Variants in PHKB observed in about 807,000 individuals in gnomAD.
The protein encoded by PHKB is phosphorylase kinase regulatory subunit beta.
Under a neutral mutation model 152.1 loss-of-function variants are expected in PHKB, and 122 were observed. That is an observed-to-expected ratio of 0.80 (90% CI 0.69 to 0.93). The LOEUF is 0.93. Among genes scored for constraint, PHKB ranks in the 40% least tolerant of loss-of-function variants. The pLI is 0.00. For synonymous variants in PHKB, 436 were observed against 464.9 expected (o/e 0.94, Z 0.80); for missense variants, 1,304 against 1,328.4 (o/e 0.98, Z 0.29).
At chr16:47,615,865 T>TA (rs1972505559) in intron 14 of PHKB, among the ~76,000 whole-genome samples, 1 of 152,230 alleles carries the variant, frequency 6.6e-6, no homozygotes. Flanking sequence ...CAATAATGGC[T>TA]ATCATTTATT....
chr16:47,512,040 G>A (rs1421579436), intron 5 of PHKB, among the ~76,000 whole-genome samples: 1 of 152,176 alleles, frequency 6.6e-6, no homozygotes, highest in East Asian at 1.9e-4. Flanking sequence ...GCTGATCTGA[G>A]AGGAGGCAGA....
At chr16:47,478,184 A>G (rs1468209115) in intron 1 of PHKB, among the ~76,000 whole-genome samples, 1 of 152,174 alleles carries the variant, frequency 6.6e-6, no homozygotes, top group Non-Finnish European at 1.5e-5. Flanking sequence ...TCATGTATTT[A>G]ATTTACAAGA....
At chr16:47,552,120 A>G (rs749597659) in intron 7 of PHKB, among the ~76,000 whole-genome samples, 17 of 152,102 alleles carry the variant, frequency 1.1e-4, no homozygotes, top group Admixed American at 2.0e-4. Context: ...TGCACATGAG[A>G]TGGATCTCCT....
intron 7 of PHKB, among the ~76,000 whole-genome samples, chr16:47,549,851 T>C (rs1305185781): frequency 1.2e-4 from 19 of 152,202 alleles, no homozygotes; most frequent in Non-Finnish European, 2.8e-4. Flanking sequence ...AGTCTTTAAA[T>C]TGATTCATTA....
chr16:47,513,860 C>T (rs908018892), intron 5 of PHKB, among the ~76,000 whole-genome samples: 4 of 152,144 alleles, frequency 2.6e-5, no homozygotes, highest in African/African-American at 9.6e-5. Context: ...ATACAATTCA[C>T]GTAACATGTA....
In PHKB at chr16:47,503,034, T is replaced by G; in HGVS notation, c.349T>G (p.Ser117Ala). 1 of 1,613,668 alleles carries G rather than the reference T, an allele frequency of 6.2e-7. No homozygotes were observed. The highest frequency in any genetic ancestry group is 1.1e-5 in the South Asian group (1 of 91,062). ...DKGRTHELEH[S>A]AIKCMRGILY... ...GGGAAGGACCCATGAGCTGGAGCAC[T>G]CAGCTATAAAATGCATGAGAGGAAT... Residue 117 changes from serine (S) to alanine (A), a missense_variant, in exon 4 of 31, where the codon TCA becomes GCA. By Grantham distance (99) the Ser-to-Ala change is moderately conservative. Coordinates refer to ENST00000323584, the MANE Select transcript of PHKB (RefSeq NM_000293.3).
Position 47,593,849 on chromosome 16 carries a change from T to C in PHKB, c.1127-288T>C, listed in dbSNP as rs1342620940. ...AAAAATTTTTATTAGTAGAAATCAT[T>C]AATACTGTAATCCATGATAATGTGA... On this transcript the variant is annotated intron_variant, in intron 11 of 30. Coordinates refer to ENST00000323584, the MANE Select transcript of PHKB (RefSeq NM_000293.3). 2.0e-5 allele frequency among the ~76,000 whole-genome samples: 3 copies of C among 152,212 alleles called. No individual in the cohort carries two copies. In the East Asian group the frequency reaches 5.8e-4, roughly 29 times the overall value.
chr16:47,565,979 C>G, intron 7 of PHKB: 1 of 798,474 alleles, frequency 1.3e-6, no homozygotes. Flanking sequence ...CTCTGGAGCT[C>G]TATGACCGAT....
At chr16:47,588,318 C>A (rs1432385400) in intron 9 of PHKB, among the ~76,000 whole-genome samples, 1 of 149,878 alleles carries the variant, frequency 6.7e-6, no homozygotes, top group Non-Finnish European at 1.5e-5. Flanking sequence ...AAAAAAAAAG[C>A]TCCCCAAATA....
In PHKB at chr16:47,580,342, A is replaced by G. The variant is rs755893390; in HGVS notation, c.758A>G (p.Asn253Ser). 18 of 1,612,048 alleles carry G rather than the reference A, an allele frequency of 1.1e-5. No individual in the cohort carries two copies. The highest frequency in any genetic ancestry group is 1.7e-5 in the Admixed American group (1 of 60,004). The stretch of plus-strand genomic sequence containing the variant: ...GCTCTAGAAGCAATTAATGGATTCA[A>G]CCTTTTTGGCAACCAGGTAAAAAAT... ...KAALEAINGF[N>S]LFGNQGCSWS... The change falls in exon 8 of 31, where the codon AAC becomes AGC. Residue 253 changes from asparagine to serine, a missense_variant. Coordinates refer to ENST00000323584, the MANE Select transcript of PHKB (RefSeq NM_000293.3).
At chr16:47,595,139 A>G (rs571675184) in intron 12 of PHKB, among the ~76,000 whole-genome samples, 1 of 152,236 alleles carries the variant, frequency 6.6e-6, no homozygotes, top group Admixed American at 6.5e-5. Flanking sequence ...TGCATGTAAT[A>G]TTTGAAATCC....
At chr16:47,517,455 C>T (rs550065131) in intron 6 of PHKB, among the ~76,000 whole-genome samples, 1 of 152,050 alleles carries the variant, frequency 6.6e-6, no homozygotes, top group South Asian at 2.1e-4. Context: ...GATGGGTTTA[C>T]CATGTTGCCC....
intron 1 of PHKB, among the ~76,000 whole-genome samples, chr16:47,492,455 C>T (rs1165449980): frequency 6.6e-6 from 1 of 152,184 alleles, no homozygotes; most frequent in East Asian, 1.9e-4. Context: ...TTTAAAATGC[C>T]TAAAGAGGAA....
At chr16:47,466,388 T>G (rs1969670004) in intron 1 of PHKB, among the ~76,000 whole-genome samples, 1 of 152,228 alleles carries the variant, frequency 6.6e-6, no homozygotes, top group African/African-American at 2.4e-5. Context: ...GTTAGCATAG[T>G]TGGTCAGCTG....
intron 18 of PHKB, among the ~76,000 whole-genome samples, chr16:47,649,581 A>G (rs557716831): frequency 6.6e-6 from 1 of 152,334 alleles, no homozygotes; most frequent in South Asian, 2.1e-4. Flanking sequence ...CAACTAACTC[A>G]TAACTCCATG....
At position 47,589,032 on chromosome 16, in the gene PHKB, T is replaced by C. The variant is rs1971983515; in HGVS notation, c.998T>C (p.Phe333Ser). 1 of 1,613,844 alleles carries C rather than the reference T, an allele frequency of 6.2e-7. No homozygotes were observed. Among genetic ancestry groups the C allele is most frequent in the East Asian group, 2.2e-5 (1 of 44,878 alleles). The change falls in exon 10 of 31, where the codon TTC (phenylalanine) becomes TCC (serine). Residue 333 changes from phenylalanine (F) to serine (S), a missense_variant. Transcript: ENST00000323584. ...AAAGGAAAATATGGATTTAAACGTTTCTTGAGAGATGGGTATAGAACATCA... is the reference window on the plus strand; with the variant it reads ...AAAGGAAAATATGGATTTAAACGTTCCTTGAGAGATGGGTATAGAACATCA... ...KLKGKYGFKR[F>S]LRDGYRTSLE...
intron 1 of PHKB, among the ~76,000 whole-genome samples, chr16:47,472,342 A>G (rs542581465): frequency 5.9e-5 from 9 of 152,256 alleles, no homozygotes; most frequent in African/African-American, 2.2e-4. Flanking sequence ...GGACACATCT[A>G]TTTTCAAATC....
intron 1 of PHKB, among the ~76,000 whole-genome samples, chr16:47,487,976 G>T (rs769561981): frequency 3.3e-5 from 5 of 152,154 alleles, no homozygotes; most frequent in Admixed American, 3.3e-4. Context: ...TTGCTGGATC[G>T]AGTGATAGTT....
At chr16:47,521,250 A>G (rs1970680514) in intron 6 of PHKB, among the ~76,000 whole-genome samples, 2 of 152,126 alleles carry the variant, frequency 1.3e-5, no homozygotes, top group Non-Finnish European at 2.9e-5. Context: ...TTTCTTACCT[A>G]ATTTCCCTGG....
Sources: gnomAD v4.1 joint callset for allele counts (sites outside exome capture counted in the v4.1 genomes callset) on GRCh38, gnomAD v4.1.1 for gene constraint, MANE v1.5 for transcripts, NCBI Gene and HGNC (gene_info 2026-07-23, HGNC 2026-07-21) for gene names.